The following PTPRD variants were observed in gnomAD, a reference collection of about 807,000 sequenced individuals.
PTPRD encodes receptor-type tyrosine-protein phosphatase delta.
PTPRD carries 34 observed loss-of-function variants against 214.5 expected under a neutral mutation model. That is an observed-to-expected ratio of 0.16 (90% confidence interval 0.12 to 0.21). The LOEUF is 0.21. Among genes scored for constraint, PTPRD ranks in the 10% least tolerant of loss-of-function variants. The pLI is 1.00. For missense variants in PTPRD, 2,545 were observed against 2,398.7 expected (o/e 1.06, Z -1.27); for synonymous variants, 1,128 against 845.7 (o/e 1.33, Z -5.79).
chr9:9,962,290 G>C (rs2094416699), intron 4 of PTPRD, among the ~76,000 whole-genome samples: 1 of 150,008 alleles, frequency 6.7e-6, no homozygotes. Flanking sequence ...ACCAAATTGA[G>C]AAAGTGATAA....
intron 2 of PTPRD, among the ~76,000 whole-genome samples, chr9:10,466,212 G>C (rs1038550681): frequency 2.6e-5 from 4 of 152,152 alleles, no homozygotes; most frequent in South Asian, 2.1e-4. Context: ...TGAGAAAACT[G>C]ATGCTCAGGA....
chr9:9,007,189 A>T (rs968055360), intron 11 of PTPRD, among the ~76,000 whole-genome samples: 2 of 151,898 alleles, frequency 1.3e-5, no homozygotes, highest in African/African-American at 2.4e-5. Flanking sequence ...GTAGAGGTAT[A>T]TGTAGAAATA....
chr9:10,283,016 TTC>T (rs1284289370), intron 3 of PTPRD, among the ~76,000 whole-genome samples: 2 of 152,086 alleles, frequency 1.3e-5, no homozygotes, highest in Non-Finnish European at 2.9e-5. Context: ...TGATTTTCAT[TTC>T]TGTTAAGAAA....
At chr9:10,438,005 CTACA>C (rs1041749891) in intron 2 of PTPRD, among the ~76,000 whole-genome samples, 5 of 110,656 alleles carry the variant, frequency 4.5e-5, no homozygotes, top group African/African-American at 1.9e-4. Context: ...CTCCCTAAGT[CTACA>C]TATATATATA....
chr9:9,516,341 T>C (rs531673330), intron 8 of PTPRD, among the ~76,000 whole-genome samples: 51 of 152,124 alleles, frequency 3.4e-4, no homozygotes, highest in African/African-American at 1.2e-3. Context: ...AAATTATCCA[T>C]AACTCTAAAA....
intron 10 of PTPRD, among the ~76,000 whole-genome samples, chr9:9,052,646 A>G (rs902700457): frequency 3.3e-5 from 5 of 152,174 alleles, no homozygotes; most frequent in Non-Finnish European, 5.9e-5. Context: ...TCCCTCTCCC[A>G]TTCTGTTACA....
At chr9:9,292,447 AT>A (rs75317323) in intron 9 of PTPRD, among the ~76,000 whole-genome samples, 16,854 of 151,188 alleles carry the variant, frequency 0.11, 1,196 homozygotes, top group Middle Eastern at 0.16. Flanking sequence ...CCAAGAGAGT[AT>A]TTTTTTTAAA....
At chr9:9,154,542 C>T (rs886569834) in intron 10 of PTPRD, among the ~76,000 whole-genome samples, 9 of 152,178 alleles carry the variant, frequency 5.9e-5, no homozygotes, top group Non-Finnish European at 8.8e-5. Context: ...TCCACCATTA[C>T]GACCTCATTT....
rs190627676 is a variant in PTPRD, at chr9:9,854,933, C to G, written c.-368+83574G>C. On this transcript the variant is annotated intron_variant, in intron 5 of 45. Coordinates refer to ENST00000381196, the MANE Select transcript of PTPRD (RefSeq NM_002839.4). ...CCAACAAATTGAGGAATTTGGGATA[C>G]TTTTATACTAAGCTTTAAAATTAAT... Among the ~76,000 whole-genome samples the G allele has an allele frequency of 8.5e-5, 13 of 152,272 alleles. No homozygotes were observed. In the East Asian group the frequency reaches 2.5e-3, roughly 29 times the overall value.
At chr9:8,881,956 T>C (rs1000099385) in intron 11 of PTPRD, among the ~76,000 whole-genome samples, 1 of 152,114 alleles carries the variant, frequency 6.6e-6, no homozygotes, top group Non-Finnish European at 1.5e-5. Flanking sequence ...AAGAACCATG[T>C]TTTTTCCTGC....
intron 21 of PTPRD, among the ~76,000 whole-genome samples, chr9:8,515,131 G>A (rs2138193217): frequency 6.6e-6 from 1 of 152,298 alleles, no homozygotes; most frequent in Non-Finnish European, 1.5e-5. Context: ...TAACACAGCA[G>A]TTAAAAGTAT....
chr9:8,985,712 A>G (rs976916975), intron 11 of PTPRD, among the ~76,000 whole-genome samples: 1 of 151,906 alleles, frequency 6.6e-6, no homozygotes, highest in Non-Finnish European at 1.5e-5. Context: ...TGTTTCCAGA[A>G]CCCAACGTCT....
chr9:8,316,610 T>G lies in PTPRD; in HGVS notation c.*1264A>C, dbSNP rs1487075834. ...TGACCTTTCCCACATGCACACCTCT[T>G]AGCTATTTAATAATAATTTTTATTG... On this transcript the variant is annotated 3_prime_UTR_variant, in exon 46 of 46. Coordinates refer to ENST00000381196, the MANE Select transcript of PTPRD (RefSeq NM_002839.4). 4.3e-6 allele frequency: 1 copy of G among 230,660 alleles called. No individual in the cohort carries two copies. Among genetic ancestry groups the G allele is most frequent in the Non-Finnish European group, 8.6e-6 (1 of 116,248 alleles). The allele number at this position is 230,660 out of a possible 1,614,324, so 14.3% of individuals were successfully genotyped here. A position where few individuals can be genotyped will look rare whatever the true frequency, so the allele number is the denominator to read the frequency against.
chr9:9,267,566 G>C (rs1298452352), intron 9 of PTPRD, among the ~76,000 whole-genome samples: 1 of 151,000 alleles, frequency 6.6e-6, no homozygotes, highest in Non-Finnish European at 1.5e-5. Flanking sequence ...AACCAGAAAA[G>C]GACACTACAA....
At chr9:9,751,815 T>C (rs1342860515) in intron 6 of PTPRD, among the ~76,000 whole-genome samples, 3 of 152,104 alleles carry the variant, frequency 2.0e-5, no homozygotes, top group Admixed American at 6.6e-5. Flanking sequence ...GCTCAGTTTG[T>C]ACTACTTTGC....
At chr9:8,365,077 C>G (rs971505922) in intron 39 of PTPRD, among the ~76,000 whole-genome samples, 1 of 151,942 alleles carries the variant, frequency 6.6e-6, no homozygotes. Context: ...CAGCAGAAGC[C>G]TATGGGAAAG....
At chr9:9,442,523 C>T (rs1406348078) in intron 8 of PTPRD, 3 of 152,174 alleles carry the variant, frequency 2.0e-5, no homozygotes, top group Non-Finnish European at 4.4e-5. Context: ...TTTAGATAAA[C>T]TCCACTAAAT....
intron 5 of PTPRD, among the ~76,000 whole-genome samples, chr9:9,827,596 G>T (rs1364031839): frequency 1.3e-5 from 2 of 152,186 alleles, no homozygotes; most frequent in East Asian, 3.9e-4. Flanking sequence ...CACAGGCATG[G>T]GCAAGGACTT....
chr9:9,285,314 C>T (rs1949014120), intron 9 of PTPRD, among the ~76,000 whole-genome samples: 1 of 151,794 alleles, frequency 6.6e-6, no homozygotes, highest in African/African-American at 2.4e-5. Context: ...ATTGCTCCAT[C>T]ACATTTTCCT....
Sources: allele counts gnomAD v4.1 joint callset (sites outside exome capture counted in the v4.1 genomes callset), GRCh38; gene constraint gnomAD v4.1.1; transcripts MANE v1.5; gene names NCBI Gene and HGNC (gene_info 2026-07-23, HGNC 2026-07-21).